Variants in STARD13 observed in about 807,000 individuals in gnomAD.
STARD13 encodes the protein StAR related lipid transfer domain containing 13.
In STARD13, 62 loss-of-function variants were observed where a neutral mutation model predicts 106.4. The observed-to-expected ratio is 0.58, with a 90% CI of 0.48 to 0.72. The LOEUF (loss-of-function observed/expected upper bound fraction) is 0.72, where lower values mean the gene tolerates loss of function less well. Among genes scored for constraint, STARD13 ranks in the 30% least tolerant of loss-of-function variants. STARD13 has a pLI of 0.00. For synonymous variants in STARD13, 565 were observed against 553.0 expected, an observed-to-expected ratio of 1.02 and a Z score of -0.31; for missense variants, 1,387 against 1,424.0, an observed-to-expected ratio of 0.97 and a Z score of 0.42.
rs1877730733 is a variant in STARD13 at position 33,129,148 on chromosome 13, T to C, written c.1529A>G (p.Glu510Gly). The C allele has an allele frequency of 6.2e-7, 1 of 1,614,162 alleles. No individual in the cohort carries two copies. Among genetic ancestry groups the C allele is most frequent in the East Asian group, 2.2e-5 (1 of 44,878 alleles). The stretch of plus-strand genomic sequence containing the variant: ...AACCAATGTATCATGAGTTTGCAGT[T>C]CAGGCAAGACATCTTTGGACCAGTC... ...VDDWSKDVLP[E>G]LQTHDTLVGE... Residue 510 changes from glutamate (E) to glycine (G), a missense_variant, in exon 5 of 14, where the codon GAA (glutamate) becomes GGA (glycine). Coordinates refer to ENST00000336934, the MANE Select transcript of STARD13 (RefSeq NM_178006.4).
At chr13:33,167,955 A>C (rs1472421845) in intron 1 of STARD13, among the ~76,000 whole-genome samples, 1 of 149,822 alleles carries the variant, frequency 6.7e-6, no homozygotes, top group Non-Finnish European at 1.5e-5. Flanking sequence ...CACTAGGGGA[A>C]AAGAGGGCAT....
At chr13:33,414,032 C>CAAAAAAAAAAAAAAAAAAAAAA in the STARD13 span, among the ~76,000 whole-genome samples, 1 of 48,188 alleles carries the variant, frequency 2.1e-5, no homozygotes, top group African/African-American at 9.1e-5. Flanking sequence ...GATTCCCTCT[C>CAAAAAAAAAAAAAAAAAAAAAA]AAAAAAAAAA....
the STARD13 span, among the ~76,000 whole-genome samples, chr13:33,383,330 C>T: frequency 6.6e-6 from 1 of 151,556 alleles, no homozygotes; most frequent in South Asian, 2.1e-4. Flanking sequence ...GCTAAAAGGT[C>T]GAGGCTGCAG....
intron 8 of STARD13, chr13:33,117,514 G>A (rs953475347): frequency 3.4e-6 from 2 of 585,776 alleles, no homozygotes; most frequent in Non-Finnish European, 4.3e-6. Flanking sequence ...TACAGGCTTT[G>A]CTGAGAACTT....
At chr13:33,484,588 C>A in the STARD13 span, among the ~76,000 whole-genome samples, 1 of 152,116 alleles carries the variant, frequency 6.6e-6, no homozygotes, top group South Asian at 2.1e-4. Context: ...CATTCCCTAG[C>A]CCTGACCTGC....
rs772572604 is a variant in STARD13 at position 33,112,890 on chromosome 13, T to C, written c.2323A>G (p.Ile775Val). ...EQRLQAVQAA[I>V]LLLADENREV... ...CTGTTCTCATCGGCCAGTAGCAGGA[T>C]GGCAGCCTGCACGGCCTGCAGCCGC... The change falls in exon 9 of 14, where the codon ATC becomes GTC. Residue 775 changes from isoleucine to valine, a missense_variant. Physicochemically the swap from Ile to Val is conservative, Grantham distance 29. Coordinates refer to ENST00000336934, the MANE Select transcript of STARD13 (RefSeq NM_178006.4). The C allele has an allele frequency of 3.1e-6, 5 of 1,613,380 alleles. No individual in the cohort carries two copies. The highest frequency in any genetic ancestry group is 4.5e-5 in the East Asian group (2 of 44,892).
At chr13:33,364,544 T>C in the STARD13 span, among the ~76,000 whole-genome samples, 356 of 152,328 alleles carry the variant, frequency 2.3e-3, 1 homozygote, top group African/African-American at 7.5e-3. Flanking sequence ...AAAATACGAC[T>C]TCCTCGTGGG....
At chr13:33,381,057 A>C in the STARD13 span, among the ~76,000 whole-genome samples, 1 of 152,192 alleles carries the variant, frequency 6.6e-6, no homozygotes, top group Admixed American at 6.5e-5. Flanking sequence ...CTAATTTTAG[A>C]TCACCTCTAC....
At chr13:33,416,611 T>A in the STARD13 span, among the ~76,000 whole-genome samples, 1 of 152,196 alleles carries the variant, frequency 6.6e-6, no homozygotes, top group South Asian at 2.1e-4. Flanking sequence ...AAAATGATAT[T>A]TTCAAGTGAT....
chr13:33,199,716 G>T (rs1886880045), intron 1 of STARD13, among the ~76,000 whole-genome samples: 1 of 152,164 alleles, frequency 6.6e-6, no homozygotes, highest in Non-Finnish European at 1.5e-5. Context: ...TACTTGCAAG[G>T]CCCAAAGAAC....
chr13:33,665,061 A>G, the STARD13 span, among the ~76,000 whole-genome samples: 2,065 of 152,368 alleles, frequency 0.014, 38 homozygotes, highest in African/African-American at 0.046. Flanking sequence ...GAGGAAGTGG[A>G]GACCCTGTTA....
chr13:33,128,635 C>T (rs141282145), intron 5 of STARD13, among the ~76,000 whole-genome samples: 83 of 152,252 alleles, frequency 5.5e-4, no homozygotes, highest in Non-Finnish European at 7.2e-4. Flanking sequence ...CCAGGATTCC[C>T]TGCCTATGGT....
chr13:33,296,088 G>A lies in STARD13; in HGVS notation c.124+54202C>T, dbSNP rs1312889261. ...AAAAAAAAAAGAAAAAGTTAGTTGG[G>A]CATGGTGGCTCGTTACTGTAATCCC... is the stretch of plus-strand genomic sequence containing the variant. On this transcript the variant is annotated intron_variant, in intron 1 of 5. Coordinates refer to the STARD13 transcript ENST00000567873. Among the ~76,000 whole-genome samples the A allele has an allele frequency of 3.9e-5, 6 of 152,062 alleles. No individual in the cohort carries two copies. The South Asian group carries it at 6.2e-4, about 16-fold the overall frequency.
the STARD13 span, among the ~76,000 whole-genome samples, chr13:33,556,430 CA>C: frequency 6.6e-6 from 1 of 152,074 alleles, no homozygotes; most frequent in South Asian, 2.1e-4. Flanking sequence ...GCAGGGGCGC[CA>C]CCTTTCCCAG....
intron 1 of STARD13, among the ~76,000 whole-genome samples, chr13:33,250,885 C>T (rs1267052462): frequency 1.3e-5 from 2 of 152,120 alleles, no homozygotes; most frequent in Non-Finnish European, 2.9e-5. Flanking sequence ...AGACTTAAGT[C>T]TGTCTTGTTC....
At chr13:33,350,738 T>G, upstream of STARD13, 2 of 790,940 alleles carry the variant, frequency 2.5e-6, no homozygotes, top group Middle Eastern at 5.6e-4. Context: ...GCCCTCCCCC[T>G]GGCTGCCTCG....
the STARD13 span, among the ~76,000 whole-genome samples, chr13:33,673,080 A>G: frequency 1.6e-4 from 25 of 152,172 alleles, 1 homozygote; most frequent in Non-Finnish European, 2.8e-4. Context: ...TGACAAATGA[A>G]GCTAGGATGC....
chr13:33,514,054 A>G, the STARD13 span, among the ~76,000 whole-genome samples: 2 of 152,186 alleles, frequency 1.3e-5, no homozygotes, highest in Admixed American at 6.6e-5. Flanking sequence ...TAATTAACTA[A>G]GTTAACCCAT....
chr13:33,111,151 T>A (rs1290256914), intron 10 of STARD13, among the ~76,000 whole-genome samples: 2 of 152,254 alleles, frequency 1.3e-5, no homozygotes, highest in Non-Finnish European at 2.9e-5. Context: ...CCCTTTATTA[T>A]TTTCACTTCC....
Sources: allele counts gnomAD v4.1 joint callset (sites outside exome capture counted in the v4.1 genomes callset), GRCh38; gene constraint gnomAD v4.1.1; transcripts MANE v1.5; gene names NCBI Gene and HGNC (gene_info 2026-07-23, HGNC 2026-07-21).